Variants in KIF6 observed in about 807,000 individuals in gnomAD.
The protein encoded by KIF6 is kinesin family member 6, also known as kinesin-like protein KIF6.
Under a neutral mutation model 112.7 loss-of-function variants are expected in KIF6, and 106 were observed. That is an observed-to-expected ratio of 0.94 (90% CI 0.80 to 1.11). The LOEUF (loss-of-function observed/expected upper bound fraction) is 1.11. Ranked by LOEUF, KIF6 falls within the 50% of genes least tolerant of loss-of-function variation. KIF6 has a pLI of 0.00. For synonymous variants in KIF6, 339 were observed against 339.9 expected (o/e 1.00, Z 0.03); for missense variants, 929 against 964.0 (o/e 0.96, Z 0.48).
Position 39,645,232 on chromosome 6 carries a change from T to C in KIF6, c.252-5475A>G, listed in dbSNP as rs184888025. On this transcript the variant is annotated intron_variant, in intron 3 of 22. Transcript: ENST00000287152. ...AGGTAGTTTGTCATTTCTTATCTTT[T>C]AATATTTGCATGAATTAAACAAAAA... Among the ~76,000 whole-genome samples, 837 of 152,284 alleles carry C rather than the reference T, an allele frequency of 5.5e-3. 5 individuals carry two copies. The highest frequency in any genetic ancestry group is 0.013 in the Admixed American group (205 of 15,290).
At chr6:39,665,786 T>A (rs1037274167) in intron 3 of KIF6, among the ~76,000 whole-genome samples, 1 of 152,150 alleles carries the variant, frequency 6.6e-6, no homozygotes, top group Non-Finnish European at 1.5e-5. Context: ...GTGACGCTGA[T>A]CTTCCTGAAA....
chr6:39,450,333 G>T (rs17352737), intron 13 of KIF6, among the ~76,000 whole-genome samples: 3,380 of 152,296 alleles, frequency 0.022, 66 homozygotes, highest in Non-Finnish European at 0.029. Flanking sequence ...TTTCATAGAT[G>T]CATTATCCTA....
chr6:39,551,579 C>A (rs1036703253), intron 10 of KIF6, among the ~76,000 whole-genome samples: 1 of 151,922 alleles, frequency 6.6e-6, no homozygotes, highest in Non-Finnish European at 1.5e-5. Context: ...ACACATTATA[C>A]GTTTGTATCA....
chr6:39,616,555 C>T (rs1020692045), intron 5 of KIF6, among the ~76,000 whole-genome samples: 9 of 152,210 alleles, frequency 5.9e-5, no homozygotes, highest in Non-Finnish European at 1.2e-4. Context: ...ATCTTTGAAA[C>T]ACAATCTTCC....
At chr6:39,389,108 A>G (rs1030472644) in intron 15 of KIF6, among the ~76,000 whole-genome samples, 1 of 152,184 alleles carries the variant, frequency 6.6e-6, no homozygotes, top group African/African-American at 2.4e-5. Context: ...CGAGCAGGGT[A>G]TGTGGAGGTG....
intron 22 of KIF6, among the ~76,000 whole-genome samples, chr6:39,337,220 T>TTTCTTTCTTTCTTTCTTTCTTTC: frequency 8.9e-6 from 1 of 112,038 alleles, no homozygotes; most frequent in Non-Finnish European, 1.6e-5. Context: ...TCTTTCTTTC[T>TTTCTTTCTTTCTTTCTTTCTTTC]TTCTTTCTTT....
At chr6:39,471,689 G>C (rs1401571786) in intron 13 of KIF6, among the ~76,000 whole-genome samples, 1 of 152,086 alleles carries the variant, frequency 6.6e-6, no homozygotes, top group Non-Finnish European at 1.5e-5. Flanking sequence ...AAAAGGTCTA[G>C]GTAACTCCTA....
chr6:39,637,551 G>T (rs946826129), intron 4 of KIF6, among the ~76,000 whole-genome samples: 4 of 151,898 alleles, frequency 2.6e-5, no homozygotes, highest in Non-Finnish European at 1.5e-5. Flanking sequence ...GACATTTCAG[G>T]ACCCAGTAGG....
intron 1 of KIF6, among the ~76,000 whole-genome samples, chr6:39,722,604 G>T (rs1790281746): frequency 6.6e-6 from 1 of 152,086 alleles, no homozygotes; most frequent in Non-Finnish European, 1.5e-5. Flanking sequence ...TAAAAGTAAT[G>T]CAGTAATGAA....
At chr6:39,345,517 G>T (rs1178500447) in intron 21 of KIF6, among the ~76,000 whole-genome samples, 183 bp downstream of exon 21, 4 of 152,200 alleles carry the variant, frequency 2.6e-5, no homozygotes, top group African/African-American at 7.2e-5. Context: ...AAACCTCCCC[G>T]CTTTGAGTTG....
At chr6:39,553,947 T>C (rs1309791126) in intron 10 of KIF6, 4 of 154,942 alleles carry the variant, frequency 2.6e-5, no homozygotes, top group African/African-American at 9.6e-5. Context: ...GACCTCAAGC[T>C]GGCAGCTGAC....
At position 39,350,444 on chromosome 6, in the gene KIF6, C is replaced by A. The variant is rs145506321; in HGVS notation, c.2181-3918G>T. On this transcript the variant is annotated intron_variant, in intron 19 of 22. Coordinates refer to ENST00000287152, the MANE Select transcript of KIF6 (RefSeq NM_145027.6). The stretch of plus-strand genomic sequence containing the variant: ...TGACCCTGGGCAAGCTACTTCATCT[C>A]TCTGAGCCTGAATTTTTTCACCTGT... Among the ~76,000 whole-genome samples the A allele has an allele frequency of 5.9e-5, 9 of 152,282 alleles. No individual in the cohort carries two copies. In the East Asian group the frequency reaches 1.7e-3, roughly 29 times the overall value.
At chr6:39,516,893 C>T (rs1451159518) in intron 13 of KIF6, among the ~76,000 whole-genome samples, 4 of 152,144 alleles carry the variant, frequency 2.6e-5, no homozygotes, top group Admixed American at 6.5e-5. Flanking sequence ...CCTCTAAAAT[C>T]GCAGGAGTTA....
At position 39,336,435 on chromosome 6, in the gene KIF6, A is replaced by C. The variant is rs3734621; in HGVS notation, c.*97T>G. ...AGTCACTAGTTGCTCCCAGCAGCCC[A>C]TAGTTCACTTCTGAAGCCAGAGCAA... On this transcript the variant is annotated 3_prime_UTR_variant, in exon 23 of 23. Transcript: ENST00000287152. 0.049 allele frequency: 57,715 copies of C among 1,179,266 alleles called. 6,016 individuals carry two copies. Among genetic ancestry groups the C allele is most frequent in the African/African-American group, 0.4 (26,591 of 66,582 alleles). The allele number at this position is 1,179,266 out of a possible 1,614,324, so 73.1% of individuals were successfully genotyped here. A position where few individuals can be genotyped will look rare whatever the true frequency, so the allele number is the denominator to read the frequency against.
intron 3 of KIF6, among the ~76,000 whole-genome samples, chr6:39,663,376 G>C (rs1489773215): frequency 3.9e-5 from 6 of 152,258 alleles, no homozygotes; most frequent in Admixed American, 6.5e-5. Flanking sequence ...ATGACAGGAA[G>C]AGGAGAAGTA....
At chr6:39,587,175 G>A (rs1428898572) in intron 7 of KIF6, among the ~76,000 whole-genome samples, 1 of 152,172 alleles carries the variant, frequency 6.6e-6, no homozygotes, top group Non-Finnish European at 1.5e-5. Context: ...CCCGAAAGGA[G>A]GCACCTGGGG....
intron 16 of KIF6, among the ~76,000 whole-genome samples, chr6:39,375,676 C>G (rs2224630): frequency 0.41 from 61,703 of 151,944 alleles, 14,690 homozygotes; most frequent in Non-Finnish European, 0.52. Flanking sequence ...CAGGATTGGA[C>G]TAGAACTACA....
intron 10 of KIF6, among the ~76,000 whole-genome samples, chr6:39,555,826 T>C (rs183187497): frequency 1.4e-4 from 21 of 151,892 alleles, no homozygotes; most frequent in Admixed American, 3.9e-4. Context: ...TAGCGGTGCA[T>C]GCCTGTAATC....
intron 3 of KIF6, among the ~76,000 whole-genome samples, chr6:39,676,390 T>G (rs1283803006): frequency 6.6e-6 from 1 of 151,952 alleles, no homozygotes; most frequent in Non-Finnish European, 1.5e-5. Flanking sequence ...GTAAATCAAA[T>G]GAAATAAATA....
Sources: allele counts gnomAD v4.1 joint callset (sites outside exome capture counted in the v4.1 genomes callset), GRCh38; gene constraint gnomAD v4.1.1; transcripts MANE v1.5; gene names NCBI Gene and HGNC (gene_info 2026-07-23, HGNC 2026-07-21).